SLC25A48: variants seen among roughly 807,000 people sequenced by gnomAD.
SLC25A48 encodes the protein CTC-321K16.1.
Under a neutral mutation model 32.2 loss-of-function variants are expected in SLC25A48, and 29 were observed. That is an observed-to-expected ratio of 0.90 (90% CI 0.67 to 1.23). The LOEUF (loss-of-function observed/expected upper bound fraction) is 1.23. Among genes scored for constraint, SLC25A48 ranks in the 50% most tolerant of loss-of-function variants. The probability of loss-of-function intolerance (pLI) is 0.00; values close to 1 mark genes in which losing one functional copy is unlikely to be tolerated. For missense variants in SLC25A48, 399 were observed against 422.7 expected (o/e 0.94, Z 0.49); for synonymous variants, 164 against 172.3 (o/e 0.95, Z 0.38).
At chr5:135,682,170 A>T (rs895814390) in intron 3 of SLC25A48, among the ~76,000 whole-genome samples, 1 of 152,174 alleles carries the variant, frequency 6.6e-6, no homozygotes, top group African/African-American at 2.4e-5. Flanking sequence ...ATGGCCTGGA[A>T]ACTATAGGCA....
chr5:135,698,709 A>G (rs1443302196), intron 3 of SLC25A48, among the ~76,000 whole-genome samples: 3 of 152,230 alleles, frequency 2.0e-5, no homozygotes, highest in Non-Finnish European at 4.4e-5. Flanking sequence ...CTGGTCATCA[A>G]CAGTAAAAGT....
rs368646509 is a variant in SLC25A48 at position 135,828,916 on chromosome 5, T to C, written c.-116-13500T>C. ...ACCTGGCACTACTCAGGCAGTTCCC[T>C]CTGCCTCTGCACACTTCTCCACTGC... On this transcript the variant is annotated intron_variant, in intron 4 of 10. Coordinates refer to the SLC25A48 transcript ENST00000646290. Among the ~76,000 whole-genome samples the C allele has an allele frequency of 1.1e-4, 16 of 152,238 alleles. No individual in the cohort carries two copies. The South Asian group carries it at 3.3e-3, about 32-fold the overall frequency.
chr5:135,795,327 G>A (rs1170655441), intron 3 of SLC25A48, among the ~76,000 whole-genome samples: 1 of 151,596 alleles, frequency 6.6e-6, no homozygotes, highest in African/African-American at 2.4e-5. Context: ...TATCACAAAG[G>A]GTTTACACCC....
intron 4 of SLC25A48, among the ~76,000 whole-genome samples, chr5:135,869,901 G>A (rs1480963977): frequency 6.6e-6 from 1 of 152,160 alleles, no homozygotes; most frequent in Non-Finnish European, 1.5e-5. Context: ...TATGGCAGGG[G>A]TTTACTCCCT....
At chr5:135,770,562 C>G (rs908715442) in intron 3 of SLC25A48, among the ~76,000 whole-genome samples, 2 of 151,492 alleles carry the variant, frequency 1.3e-5, no homozygotes, top group African/African-American at 4.9e-5. Flanking sequence ...GATGTTACCC[C>G]AATATGGCAG....
chr5:135,765,785 A>G (rs1756200688), intron 3 of SLC25A48, among the ~76,000 whole-genome samples: 1 of 151,408 alleles, frequency 6.6e-6, no homozygotes, highest in Admixed American at 6.6e-5. Flanking sequence ...AGAGGAGGAT[A>G]TTACTCTCCA....
chr5:135,857,722 G>T (rs1415704051), intron 4 of SLC25A48, among the ~76,000 whole-genome samples: 1 of 152,188 alleles, frequency 6.6e-6, no homozygotes, highest in African/African-American at 2.4e-5. Context: ...GAGTCAAGGA[G>T]GGTTTGGGAG....
At chr5:135,850,341 A>C (rs1759743250) in intron 2 of SLC25A48, 84 bp from the exon 3 acceptor site, 2 of 1,391,358 alleles carry the variant, frequency 1.4e-6, no homozygotes, top group Admixed American at 1.7e-5. Flanking sequence ...CACTATGAGC[A>C]GGGCCTTTCC....
chr5:135,801,567 G>T (rs975736713), intron 3 of SLC25A48, among the ~76,000 whole-genome samples: 3 of 151,042 alleles, frequency 2.0e-5, no homozygotes, highest in African/African-American at 7.3e-5. Flanking sequence ...TAGACAAAGG[G>T]ATGATATTAC....
At chr5:135,721,192 C>CTTTTTTTTTTTTTTTTTTTTTTTTTTTTT (rs757412641) in intron 3 of SLC25A48, among the ~76,000 whole-genome samples, 3 of 53,884 alleles carry the variant, frequency 5.6e-5, no homozygotes, top group African/African-American at 1.2e-4. Context: ...CATGCCTGGC[C>CTTTTTTTTTTTTTTTTTTTTTTTTTTTTT]TTTTTTTTTT....
chr5:135,880,226 C>T (rs983748764), intron 7 of SLC25A48, 129 bp downstream of exon 7: 13 of 1,328,754 alleles, frequency 9.8e-6, no homozygotes, highest in Admixed American at 2.8e-5. Flanking sequence ...CTGTGGTAGG[C>T]TGGGGCTGCC....
chr5:135,830,406 C>T (rs1389492967), upstream of SLC25A48, among the ~76,000 whole-genome samples: 1 of 152,206 alleles, frequency 6.6e-6, no homozygotes, highest in East Asian at 1.9e-4. Flanking sequence ...AGAATTAAGG[C>T]CTGGACTTTC....
intron 3 of SLC25A48, among the ~76,000 whole-genome samples, chr5:135,750,489 A>G (rs1178064892): frequency 1.3e-5 from 2 of 152,294 alleles, no homozygotes; most frequent in East Asian, 3.9e-4. Context: ...GCTGGGAATG[A>G]CAAAGCTGGG....
intron 3 of SLC25A48, among the ~76,000 whole-genome samples, chr5:135,748,849 G>A (rs548631637): frequency 1.4e-3 from 207 of 152,000 alleles, no homozygotes; most frequent in Non-Finnish European, 2.5e-3. Context: ...TTCCTGAGTA[G>A]TTGGGATTAT....
intron 3 of SLC25A48, among the ~76,000 whole-genome samples, chr5:135,785,541 G>A (rs1431615060): frequency 6.7e-6 from 1 of 148,802 alleles, no homozygotes; most frequent in Non-Finnish European, 1.5e-5. Flanking sequence ...TTGCCCCATG[G>A]ATCGTAATAT....
chr5:135,796,075 T>C (rs1331923094), intron 3 of SLC25A48, among the ~76,000 whole-genome samples: 1 of 150,438 alleles, frequency 6.6e-6, no homozygotes, highest in African/African-American at 2.4e-5. Flanking sequence ...GAGAGGATGA[T>C]ATTACACCAC....
intron 3 of SLC25A48, among the ~76,000 whole-genome samples, chr5:135,679,314 C>G (rs1267528599): frequency 6.6e-6 from 1 of 152,032 alleles, no homozygotes; most frequent in African/African-American, 2.4e-5. Flanking sequence ...GCCGGGCAGT[C>G]CTCAGGCCCC....
intron 3 of SLC25A48, among the ~76,000 whole-genome samples, chr5:135,669,973 C>G (rs1359588105): frequency 6.6e-6 from 1 of 152,168 alleles, no homozygotes; most frequent in African/African-American, 2.4e-5. Context: ...TAGCAGAGAG[C>G]AATTTCTTAC....
intron 6 of SLC25A48, among the ~76,000 whole-genome samples, chr5:135,877,027 A>G (rs1762113735): frequency 6.6e-6 from 1 of 152,208 alleles, no homozygotes; most frequent in Admixed American, 6.5e-5. Flanking sequence ...GTGACAGGAA[A>G]GAGTTAGAAA....
Sources: allele counts gnomAD v4.1 joint callset (sites outside exome capture counted in the v4.1 genomes callset), GRCh38; gene constraint gnomAD v4.1.1; transcripts MANE v1.5; gene names NCBI Gene and HGNC (gene_info 2026-07-23, HGNC 2026-07-21).